Variants in NELL1 observed in about 807,000 individuals in gnomAD.
The protein encoded by NELL1 is protein kinase C-binding protein NELL1.
In NELL1, 76 loss-of-function variants were observed where a neutral mutation model predicts 107.4. The observed-to-expected ratio is 0.71, with a 90% CI of 0.59 to 0.86. The LOEUF (loss-of-function observed/expected upper bound fraction) is 0.86. NELL1 is among the 40% of genes least tolerant of loss of function. The pLI is 0.00. For missense variants in NELL1, 1,024 were observed against 1,005.5 expected, an observed-to-expected ratio of 1.02 and a Z score of -0.25; for synonymous variants, 353 against 341.2, an observed-to-expected ratio of 1.03 and a Z score of -0.38.
intron 12 of NELL1, among the ~76,000 whole-genome samples, chr11:20,980,646 A>G (rs964143915): frequency 2.6e-5 from 4 of 152,206 alleles, no homozygotes; most frequent in African/African-American, 9.6e-5. Context: ...TTAAGATAGT[A>G]ACTTGACAAT....
intron 12 of NELL1, among the ~76,000 whole-genome samples, chr11:21,048,944 T>G (rs977382887): frequency 1.3e-5 from 2 of 152,040 alleles, no homozygotes; most frequent in African/African-American, 4.8e-5. Flanking sequence ...CATGCAGGAA[T>G]TTATTGGGGG....
intron 15 of NELL1, chr11:21,503,994 G>A (rs1407799874): frequency 1.3e-5 from 2 of 152,220 alleles, no homozygotes; most frequent in Admixed American, 6.5e-5. Context: ...CTAGATCCAG[G>A]AACTATTGAG....
chr11:20,940,908 G>T (rs549810342), intron 10 of NELL1, among the ~76,000 whole-genome samples: 3 of 152,096 alleles, frequency 2.0e-5, no homozygotes, highest in African/African-American at 4.8e-5. Context: ...AGAGGCTGAG[G>T]TGGGCAGATC....
intron 2 of NELL1, among the ~76,000 whole-genome samples, chr11:20,744,753 G>T (rs7111284): frequency 6.6e-6 from 1 of 151,988 alleles, no homozygotes; most frequent in Admixed American, 6.6e-5. Context: ...AAATTCATAC[G>T]GTCAAACTCA....
chr11:21,374,147 A>G (rs1851415854), intron 15 of NELL1, among the ~76,000 whole-genome samples: 1 of 152,108 alleles, frequency 6.6e-6, no homozygotes, highest in South Asian at 2.1e-4. Context: ...AGTATGTAAG[A>G]CTAAGTTTTC....
intron 16 of NELL1, among the ~76,000 whole-genome samples, chr11:21,541,329 T>G (rs1162589092): frequency 6.6e-6 from 1 of 152,074 alleles, no homozygotes; most frequent in South Asian, 2.1e-4. Context: ...AATGGCACAG[T>G]GAGGATTTAC....
At chr11:21,447,143 C>A (rs2133853237) in intron 15 of NELL1, among the ~76,000 whole-genome samples, 1 of 152,222 alleles carries the variant, frequency 6.6e-6, no homozygotes, top group African/African-American at 2.4e-5. Flanking sequence ...GTGAATACTG[C>A]TATGCCTGGG....
At chr11:21,047,407 C>T (rs1352125003) in intron 12 of NELL1, among the ~76,000 whole-genome samples, 1 of 152,004 alleles carries the variant, frequency 6.6e-6, no homozygotes, top group Non-Finnish European at 1.5e-5. Flanking sequence ...ACCACATTGA[C>T]TTTAGGCATG....
chr11:21,491,455 A>C (rs1176740514), intron 15 of NELL1, among the ~76,000 whole-genome samples: 1 of 152,102 alleles, frequency 6.6e-6, no homozygotes, highest in African/African-American at 2.4e-5. Flanking sequence ...TAAATAGGGA[A>C]TCCTTTCCCC....
intron 12 of NELL1, among the ~76,000 whole-genome samples, chr11:21,112,831 T>C (rs1855138849): frequency 6.6e-6 from 1 of 151,976 alleles, no homozygotes; most frequent in African/African-American, 2.4e-5. Context: ...TCTCTAACCA[T>C]CACACACAAG....
intron 17 of NELL1, among the ~76,000 whole-genome samples, chr11:21,567,889 G>T (rs1383432222): frequency 1.3e-5 from 2 of 151,806 alleles, no homozygotes; most frequent in Non-Finnish European, 2.9e-5. Context: ...ACATCAAGTT[G>T]TATACTTGCT....
intron 2 of NELL1, among the ~76,000 whole-genome samples, chr11:20,701,014 G>T (rs2955428): frequency 0.19 from 29,589 of 152,022 alleles, 3,177 homozygotes; most frequent in African/African-American, 0.25. Context: ...AGTCCTTTGG[G>T]TATGTACTCA....
rs137948986 is a variant in NELL1 at position 20,721,181 on chromosome 11, G to GTATATATATATATATATA, written c.184+43137_184+43138insTATATATATATATATATA. Reference sequence around the variant, plus strand: ...AATGAGATATAGATATATATTTTGTGTATATATATATATATAGTGTATATA... The same window carrying GTATATATATATATATATA: ...AATGAGATATAGATATATATTTTGTGTATATATATATATATATATATATATATATATATAGTGTATATA... On this transcript the variant is annotated intron_variant, in intron 2 of 19. Coordinates refer to ENST00000357134, the MANE Select transcript of NELL1 (RefSeq NM_006157.5). Among the ~76,000 whole-genome samples the GTATATATATATATATATA allele has an allele frequency of 8.5e-3, 1,065 of 125,736 alleles. 47 individuals carry two copies. The highest frequency in any genetic ancestry group is 0.036 in the African/African-American group (1,009 of 27,766). 82.5% of individuals were successfully genotyped at this position (125,736 alleles called of 152,430 possible). A position where few individuals can be genotyped will look rare whatever the true frequency, so the allele number is the denominator to read the frequency against.
intron 11 of NELL1, among the ~76,000 whole-genome samples, chr11:20,957,483 A>C (rs2134210665): frequency 6.6e-6 from 1 of 152,352 alleles, no homozygotes; most frequent in East Asian, 1.9e-4. Context: ...TAAATTCCAA[A>C]AAATACGAGC....
At chr11:20,700,881 G>A (rs1046728829) in intron 2 of NELL1, among the ~76,000 whole-genome samples, 10 of 152,042 alleles carry the variant, frequency 6.6e-5, no homozygotes, top group Non-Finnish European at 7.4e-5. Context: ...GTGTATATGT[G>A]CCACATTTTC....
At chr11:21,307,871 C>A (rs1849641622) in intron 14 of NELL1, among the ~76,000 whole-genome samples, 2 of 151,740 alleles carry the variant, frequency 1.3e-5, no homozygotes, top group Non-Finnish European at 2.9e-5. Flanking sequence ...AAACAAGTAA[C>A]CTTGTACTCA....
chr11:20,807,496 G>A (rs1857409819), intron 3 of NELL1, among the ~76,000 whole-genome samples: 1 of 152,220 alleles, frequency 6.6e-6, no homozygotes, highest in African/African-American at 2.4e-5. Context: ...GAGTCAGAAT[G>A]AAGCCAGCAC....
intron 2 of NELL1, among the ~76,000 whole-genome samples, chr11:20,710,741 T>C (rs1467693638): frequency 1.3e-5 from 2 of 152,142 alleles, no homozygotes; most frequent in African/African-American, 4.8e-5. Context: ...CTTCAGTTTC[T>C]ATTTCTTCCT....
At chr11:21,151,815 G>A (rs1212529141) in intron 13 of NELL1, among the ~76,000 whole-genome samples, 2 of 151,964 alleles carry the variant, frequency 1.3e-5, no homozygotes, top group East Asian at 3.9e-4. Context: ...ACAATGTTTT[G>A]GCAAAAGTCA....
Sources: allele counts gnomAD v4.1 joint callset (sites outside exome capture counted in the v4.1 genomes callset), GRCh38; gene constraint gnomAD v4.1.1; transcripts MANE v1.5; gene names NCBI Gene and HGNC (gene_info 2026-07-23, HGNC 2026-07-21).